The following TANC2 variants were observed in gnomAD, a reference collection of about 807,000 sequenced individuals.
TANC2 encodes the protein protein TANC2.
A neutral mutation model predicts 210.5 loss-of-function variants in TANC2; 26 were observed. The ratio of observed to expected loss-of-function variants is 0.12; its 90% confidence interval spans 0.09 to 0.17. TANC2 has a LOEUF of 0.17. Among genes scored for constraint, TANC2 ranks in the 10% least tolerant of loss-of-function variants. The pLI is 1.00. For missense variants in TANC2, 2,129 were observed against 2,608.9 expected (o/e 0.82, Z 4.01); for synonymous variants, 931 against 967.1 (o/e 0.96, Z 0.69).
chr17:63,277,541 C>G (rs890838988), intron 9 of TANC2, among the ~76,000 whole-genome samples: 5 of 152,012 alleles, frequency 3.3e-5, no homozygotes, highest in South Asian at 2.1e-4. Flanking sequence ...TGCCAGCATC[C>G]TTGTTCAGTT....
intron 14 of TANC2, among the ~76,000 whole-genome samples, chr17:63,370,725 C>A (rs1220510489): frequency 6.6e-6 from 1 of 152,222 alleles, no homozygotes; most frequent in East Asian, 1.9e-4. Flanking sequence ...GGGGGCTCTG[C>A]CATCTTTCAC....
chr17:63,365,734 G>T (rs537737626), intron 14 of TANC2, among the ~76,000 whole-genome samples: 5 of 151,964 alleles, frequency 3.3e-5, no homozygotes, highest in Admixed American at 2.0e-4. Flanking sequence ...TCCATCTGGA[G>T]CTCACTTTCC....
At chr17:63,198,258 C>T (rs1442941835) in intron 6 of TANC2, among the ~76,000 whole-genome samples, 2 of 151,722 alleles carry the variant, frequency 1.3e-5, no homozygotes, top group African/African-American at 4.8e-5. Context: ...TGCAGTGGCA[C>T]GATCTTGGCT....
At position 63,420,479 on chromosome 17, in the gene TANC2, G is replaced by T; in HGVS notation, c.4749G>T (p.Arg1583Ser). ...CAACTCATCAGAACTCACATTACAG[G>T]CCTAGCCCACCACACACTTCCCCGG... is the stretch of plus-strand genomic sequence containing the variant. The change falls in exon 28 of 28, where the codon AGG (arginine) becomes AGT (serine). Residue 1583 changes from arginine (R) to serine (S), a missense_variant. Coordinates refer to ENST00000689528, the Ensembl canonical transcript of TANC2. The surrounding 1 kb of genome is among the most constrained non-coding windows in gnomAD (Gnocchi z 4.2). 6.2e-7 allele frequency: 1 copy of T among 1,613,842 alleles called. No homozygotes were observed. The highest frequency in any genetic ancestry group is 8.5e-7 in the Non-Finnish European group (1 of 1,179,864).
At chr17:63,033,240 G>A (rs2034843214) in intron 2 of TANC2, among the ~76,000 whole-genome samples, 2 of 152,220 alleles carry the variant, frequency 1.3e-5, no homozygotes, top group South Asian at 2.1e-4. Flanking sequence ...TTGGCCATTG[G>A]TGATTGAGCT....
intron 22 of TANC2, 68 bp downstream of exon 22, chr17:63,411,754 G>T: frequency 6.5e-7 from 1 of 1,538,606 alleles, no homozygotes; most frequent in African/African-American, 1.4e-5. Context: ...ACTACCTGGG[G>T]TTGAAAGTGG....
intron 4 of TANC2, chr17:63,150,271 A>G (rs1402375464): frequency 6.6e-6 from 1 of 152,154 alleles, no homozygotes; most frequent in Non-Finnish European, 1.5e-5. Context: ...TTTCAGATTC[A>G]ACTAATACTT....
At chr17:63,174,255 C>T (rs935731176) in intron 5 of TANC2, among the ~76,000 whole-genome samples, 1 of 152,188 alleles carries the variant, frequency 6.6e-6, no homozygotes, top group South Asian at 2.1e-4. Flanking sequence ...CAATTCTTTA[C>T]AGTACTTCTA....
chr17:63,399,217 A>G (rs16946906), intron 19 of TANC2: 2 of 181,758 alleles, frequency 1.1e-5, no homozygotes, highest in African/African-American at 4.7e-5. Context: ...AGAGCAGAAA[A>G]TTATTGTGGC....
At chr17:62,970,616 G>A (rs2031638090) in intron 1 of TANC2, among the ~76,000 whole-genome samples, 1 of 152,134 alleles carries the variant, frequency 6.6e-6, no homozygotes, top group African/African-American at 2.4e-5. Context: ...GGACTATTAG[G>A]GTAGTTGGTA....
intron 15 of TANC2, among the ~76,000 whole-genome samples, chr17:63,381,938 T>G (rs1264268196): frequency 6.6e-6 from 1 of 152,248 alleles, no homozygotes; most frequent in Non-Finnish European, 1.5e-5. Context: ...TTCAAGCTAT[T>G]CGAACATAAA....
At chr17:63,086,330 T>C (rs2036963197) in intron 3 of TANC2, among the ~76,000 whole-genome samples, 1 of 152,116 alleles carries the variant, frequency 6.6e-6, no homozygotes, top group Non-Finnish European at 1.5e-5. Flanking sequence ...CTTCTGTTAT[T>C]CCCATTATGC....
At chr17:63,368,169 G>A (rs369122706) in intron 14 of TANC2, among the ~76,000 whole-genome samples, 3 of 152,138 alleles carry the variant, frequency 2.0e-5, no homozygotes, top group East Asian at 1.9e-4. Context: ...CAAAAGTGAC[G>A]AGATTTATCT....
chr17:63,217,788 A>G (rs952486507), intron 7 of TANC2, among the ~76,000 whole-genome samples: 1 of 152,228 alleles, frequency 6.6e-6, no homozygotes, highest in African/African-American at 2.4e-5. Context: ...GTACAGACCA[A>G]TTATCTCTCA....
chr17:63,364,350 AT>A (rs1003328204), intron 14 of TANC2, among the ~76,000 whole-genome samples: 212 of 149,314 alleles, frequency 1.4e-3, no homozygotes, highest in Admixed American at 2.5e-3. Flanking sequence ...CCACAGCAAC[AT>A]TTTTTTTTTC....
At chr17:63,038,642 G>A (rs1285473177) in intron 2 of TANC2, among the ~76,000 whole-genome samples, 1 of 151,826 alleles carries the variant, frequency 6.6e-6, no homozygotes, top group Non-Finnish European at 1.5e-5. Flanking sequence ...ATTTGGGCTT[G>A]GATATTTCTT....
At chr17:63,332,207 TG>T in intron 11 of TANC2, 1 of 370,436 alleles carries the variant, frequency 2.7e-6, no homozygotes, top group Non-Finnish European at 5.3e-6. Flanking sequence ...TTCTTTGCTC[TG>T]GGAATTTTGG....
intron 9 of TANC2, among the ~76,000 whole-genome samples, chr17:63,303,057 C>T (rs1235044568): frequency 3.3e-5 from 5 of 152,052 alleles, no homozygotes; most frequent in Middle Eastern, 3.2e-3. Context: ...CCACTGTGCC[C>T]GGTCATCTGT....
Position 63,421,653 on chromosome 17 carries a change from T to G in TANC2, c.5923T>G (p.Phe1975Val). ...AGGCAACCTGCCTCAGCCTGAGTCC[T>G]TCAGTCCACCATCATCCATCAGCAA... The change falls in exon 28 of 28, where the codon TTC becomes GTC. Residue 1975 changes from phenylalanine (F) to valine (V), a missense_variant. Phe to Val is a conservative substitution (Grantham distance 50). This residue lies in a region of TANC2 where 161 missense variants were observed against 178.6 expected (regional missense o/e 0.90). Coordinates refer to ENST00000689528, the Ensembl canonical transcript of TANC2. The surrounding 1 kb of genome is among the most constrained non-coding windows in gnomAD (Gnocchi z 6.9). 6.2e-7 allele frequency: 1 copy of G among 1,614,026 alleles called. No individual in the cohort carries two copies. Among genetic ancestry groups the G allele is most frequent in the Non-Finnish European group, 8.5e-7 (1 of 1,179,894 alleles).
Sources: allele counts gnomAD v4.1 joint callset (sites outside exome capture counted in the v4.1 genomes callset), GRCh38; gene constraint gnomAD v4.1.1; regional missense constraint gnomAD v4.1.1; non-coding constraint Gnocchi (gnomAD v3.1); transcripts MANE v1.5; gene names NCBI Gene and HGNC (gene_info 2026-07-23, HGNC 2026-07-21).